The following WDR25 variants were observed in gnomAD, a reference collection of about 807,000 sequenced individuals.
WDR25 encodes the protein WD repeat domain 25, also known as WD repeat-containing protein 25.
Under a neutral mutation model 47.7 loss-of-function variants are expected in WDR25, and 35 were observed. The ratio of observed to expected loss-of-function variants is 0.73; its 90% CI spans 0.56 to 0.97. The LOEUF (loss-of-function observed/expected upper bound fraction) is 0.97, where lower values mean the gene tolerates loss of function less well. WDR25 is among the 50% of genes least tolerant of loss of function. The probability of loss-of-function intolerance (pLI) is 0.00; values close to 1 mark genes in which losing one functional copy is unlikely to be tolerated. For synonymous variants in WDR25, 248 were observed against 278.9 expected, an observed-to-expected ratio of 0.89 and a Z score of 1.10; for missense variants, 634 against 704.7, an observed-to-expected ratio of 0.90 and a Z score of 1.14.
At chr14:100,517,358 C>T (rs2140374452) in intron 4 of WDR25, among the ~76,000 whole-genome samples, 1 of 151,970 alleles carries the variant, frequency 6.6e-6, no homozygotes, top group South Asian at 2.1e-4. Flanking sequence ...GTTTTTATTC[C>T]ACTTGCTCTT....
chr14:100,487,294 A>T (rs73349501), intron 4 of WDR25, among the ~76,000 whole-genome samples: 10,442 of 152,290 alleles, frequency 0.069, 1,161 homozygotes, highest in African/African-American at 0.24. Context: ...TAGGAGATTT[A>T]AAAAACTTTT....
intron 4 of WDR25, among the ~76,000 whole-genome samples, chr14:100,508,610 C>T (rs1901196682): frequency 6.6e-6 from 1 of 152,114 alleles, no homozygotes; most frequent in Non-Finnish European, 1.5e-5. Context: ...ATTTTTCTTG[C>T]TGTATTACAA....
chr14:100,430,078 T>G lies in WDR25; in HGVS notation c.823-37943T>G, dbSNP rs1898283224. Among the ~76,000 whole-genome samples the G allele has an allele frequency of 2.0e-5, 3 of 152,208 alleles. 1 individual carries two copies. In the South Asian group the frequency reaches 6.2e-4, roughly 32 times the overall value. ...AATGAATGTTTGTTATATTTGAATCTGAAAGGTTCCAGAAAGATGAGATGG... is the reference window on the plus strand; with the variant it reads ...AATGAATGTTTGTTATATTTGAATCGGAAAGGTTCCAGAAAGATGAGATGG... On this transcript the variant is annotated intron_variant, in intron 2 of 6. Coordinates refer to ENST00000402312, the MANE Select transcript of WDR25 (RefSeq NM_001161476.3). The surrounding 1 kb of genome is among the most constrained non-coding windows in gnomAD (Gnocchi z 4.7).
At chr14:100,448,373 C>T (rs1898909617) in intron 2 of WDR25, among the ~76,000 whole-genome samples, 1 of 152,122 alleles carries the variant, frequency 6.6e-6, no homozygotes, top group Non-Finnish European at 1.5e-5. Context: ...AGGATTAGAT[C>T]CAGTGTCCCC....
intron 2 of WDR25, among the ~76,000 whole-genome samples, chr14:100,431,467 T>A (rs1337325767): frequency 6.6e-6 from 1 of 152,188 alleles, no homozygotes; most frequent in African/African-American, 2.4e-5. Context: ...TGAATTAATA[T>A]TGAGGATGAT....
chr14:100,474,004 C>T (rs1285270703), intron 3 of WDR25, among the ~76,000 whole-genome samples: 1 of 152,224 alleles, frequency 6.6e-6, no homozygotes, highest in East Asian at 1.9e-4. Context: ...GGGACTGTTG[C>T]CACTGATCCA....
Position 100,525,744 on chromosome 14 carries a change from C to CTTG in WDR25, c.1102-125_1102-124insTGT. 1 of 1,105,550 alleles carries CTTG rather than the reference C, an allele frequency of 9.0e-7. No homozygotes were observed. Among genetic ancestry groups the CTTG allele is most frequent in the Non-Finnish European group, 1.3e-6 (1 of 787,290 alleles). 68.5% of individuals were successfully genotyped at this position (1,105,550 alleles called of 1,614,324 possible). On this transcript the variant is annotated intron_variant, in intron 4 of 6. Transcript: ENST00000402312. The surrounding 1 kb of genome is among the most constrained non-coding windows in gnomAD (Gnocchi z 4.6). ...ATATGGCTTGTGGGTGCTGCTCAGC[C>CTTG]TGGGTGTGTGTGGCCCAGCATAAAC...
intron 4 of WDR25, among the ~76,000 whole-genome samples, chr14:100,484,327 A>G (rs1437648451): frequency 6.6e-6 from 1 of 152,206 alleles, no homozygotes; most frequent in Non-Finnish European, 1.5e-5. Context: ...CAAAGGTGCA[A>G]TTTTATGCAG....
intron 2 of WDR25, among the ~76,000 whole-genome samples, chr14:100,422,601 C>T (rs188376510): frequency 3.0e-4 from 45 of 152,338 alleles, no homozygotes; most frequent in East Asian, 1.3e-3. Context: ...GGTGACTTGA[C>T]GGGCCTTCAT....
Position 100,381,258 on chromosome 14 carries a change from CCTT to C in WDR25, c.338_340del (p.Ser113del). 1 of 1,614,104 alleles carries C rather than the reference CCTT, an allele frequency of 6.2e-7. No individual in the cohort carries two copies. The highest frequency in any genetic ancestry group is 8.5e-7 in the Non-Finnish European group (1 of 1,180,010). ...TCAAGTCACCTTCCCCATCAAAGAG[CCTT>C]CTTGTTCTTCTCTGTGGACGAGCCA... is the stretch of plus-strand genomic sequence containing the variant. On this transcript the variant is annotated inframe_deletion, in exon 2 of 7. Coordinates refer to ENST00000402312, the MANE Select transcript of WDR25 (RefSeq NM_001161476.3).
chr14:100,493,011 A>G (rs1414387881), intron 4 of WDR25, among the ~76,000 whole-genome samples: 1 of 152,114 alleles, frequency 6.6e-6, no homozygotes, highest in Non-Finnish European at 1.5e-5. Context: ...GGGTCTCACT[A>G]TGTTGCGCAG....
intron 2 of WDR25, among the ~76,000 whole-genome samples, chr14:100,444,579 C>T (rs879911750): frequency 1.8e-4 from 28 of 151,554 alleles, no homozygotes; most frequent in Non-Finnish European, 2.9e-4. Context: ...CAGGCCCCAC[C>T]GTACCTGGCA....
At chr14:100,429,647 T>C (rs759450919) in intron 2 of WDR25, among the ~76,000 whole-genome samples, 1 of 152,118 alleles carries the variant, frequency 6.6e-6, no homozygotes, top group Non-Finnish European at 1.5e-5. Context: ...GCCCACACAA[T>C]AGATAGTTTA....
intron 2 of WDR25, among the ~76,000 whole-genome samples, chr14:100,415,364 G>C (rs1284918895): frequency 2.0e-5 from 3 of 152,166 alleles, no homozygotes; most frequent in Non-Finnish European, 4.4e-5. Context: ...GTGTATGGGA[G>C]GTACGTAGGC....
chr14:100,514,619 G>T (rs1012153465), intron 4 of WDR25, among the ~76,000 whole-genome samples: 1 of 151,914 alleles, frequency 6.6e-6, no homozygotes, highest in African/African-American at 2.4e-5. Context: ...CCTTAGAGCA[G>T]TATTCAGATT....
Position 100,523,105 on chromosome 14 carries a change from C to G in WDR25, c.1102-2765C>G, listed in dbSNP as rs531212607. Among the ~76,000 whole-genome samples the G allele has an allele frequency of 6.6e-6, 1 of 152,210 alleles. No homozygotes were observed. Among genetic ancestry groups the G allele is most frequent in the Non-Finnish European group, 1.5e-5 (1 of 68,044 alleles). On this transcript the variant is annotated intron_variant, in intron 4 of 6. Coordinates refer to ENST00000402312, the MANE Select transcript of WDR25 (RefSeq NM_001161476.3). The surrounding 1 kb of genome is among the most constrained non-coding windows in gnomAD (Gnocchi z 4.7). ...TGCATGCCAGGATGTTGCTGGGAGCCGGAGGACCCTGGATTGCTACTTTTA... is the reference window on the plus strand; with the variant it reads ...TGCATGCCAGGATGTTGCTGGGAGCGGGAGGACCCTGGATTGCTACTTTTA...
rs1473143873 is a variant in WDR25 at position 100,530,036 on chromosome 14, C to T, written c.1630C>T (p.His544Tyr). The T allele has an allele frequency of 6.2e-7, 1 of 1,609,750 alleles. No individual in the cohort carries two copies. The highest frequency in any genetic ancestry group is 8.5e-7 in the Non-Finnish European group (1 of 1,177,650). ...CTGGGGAGGGGACATGAAGATCTGG[C>T]ACTGAGCTTTTTGTCACTGAACCTT... ...CSWGGDMKIW[H>Y] The change falls in exon 7 of 7, where the codon CAC becomes TAC. Residue 544 changes from histidine (H) to tyrosine (Y), a missense_variant. Physicochemically the swap from His to Tyr is moderately conservative, Grantham distance 83. Transcript: ENST00000402312.
At chr14:100,508,291 TC>T (rs1595157924) in intron 4 of WDR25, among the ~76,000 whole-genome samples, 1 of 152,136 alleles carries the variant, frequency 6.6e-6, no homozygotes, top group African/African-American at 2.4e-5. Flanking sequence ...AAAAGAGCTG[TC>T]TATGACAAAC....
rs141442611 is a variant in WDR25 at position 100,379,482 on chromosome 14, G to T, written c.-15-1428G>T. ...AGCTCACTGCAACCTCCACCTCCCG[G>T]GTTCAAGCAATTCTTCTGTCTCAGC... On this transcript the variant is annotated intron_variant, in intron 1 of 6. Coordinates refer to ENST00000402312, the MANE Select transcript of WDR25 (RefSeq NM_001161476.3). Among the ~76,000 whole-genome samples the T allele has an allele frequency of 8.0e-3, 1,206 of 151,302 alleles. 15 individuals carry two copies. The highest frequency in any genetic ancestry group is 0.027 in the Middle Eastern group (8 of 294).
Sources: gnomAD v4.1 joint callset for allele counts (sites outside exome capture counted in the v4.1 genomes callset) on GRCh38, gnomAD v4.1.1 for gene constraint, Gnocchi (gnomAD v3.1) non-coding constraint, MANE v1.5 for transcripts, NCBI Gene and HGNC (gene_info 2026-07-23, HGNC 2026-07-21) for gene names.